Variants in ZNF250 observed in about 807,000 individuals in gnomAD.
ZNF250 encodes zinc finger protein (clone 647).
Under a neutral mutation model 37.1 loss-of-function variants are expected in ZNF250, and 13 were observed. That is an observed-to-expected ratio of 0.35 (90% CI 0.23 to 0.56). The LOEUF (loss-of-function observed/expected upper bound fraction) is 0.56, where lower values mean the gene tolerates loss of function less well. ZNF250 is among the 20% of genes least tolerant of loss of function. The probability of loss-of-function intolerance (pLI) is 0.87; values close to 1 mark genes in which losing one functional copy is unlikely to be tolerated. For missense variants in ZNF250, 474 were observed against 697.9 expected, an observed-to-expected ratio of 0.68 and a Z score of 3.61; for synonymous variants, 251 against 265.6, an observed-to-expected ratio of 0.94 and a Z score of 0.54.
In ZNF250 at chr8:144,897,479, A is replaced by G. The variant is rs554332191; in HGVS notation, c.-55+3920T>C. ...TGATCAGAAATATGTATCCAAATTG[A>G]TAGCTTTCTGGTCGGGCACAGTGGC... On this transcript the variant is annotated intron_variant, in intron 1 of 5. Coordinates refer to ENST00000417550, the MANE Select transcript of ZNF250 (RefSeq NM_001109689.4). The surrounding 1 kb of genome is among the most constrained non-coding windows in gnomAD (Gnocchi z 5.2). Among the ~76,000 whole-genome samples, 1 of 152,360 alleles carries G rather than the reference A, an allele frequency of 6.6e-6. No homozygotes were observed. Among genetic ancestry groups the G allele is most frequent in the African/African-American group, 2.4e-5 (1 of 41,586 alleles).
intron 4 of ZNF250, 64 bp downstream of exon 4, chr8:144,889,517 T>C: frequency 7.5e-7 from 1 of 1,337,280 alleles, no homozygotes; most frequent in Non-Finnish European, 1.1e-6. Context: ...ATGAACTAGG[T>C]CCACAGCTTT....
chr8:144,883,897 T>C (rs1377222479), intron 5 of ZNF250, among the ~76,000 whole-genome samples: 1 of 151,932 alleles, frequency 6.6e-6, no homozygotes, highest in Non-Finnish European at 1.5e-5. Flanking sequence ...ATTTTTTTTT[T>C]AGATGGAGTC....
At position 144,890,521 on chromosome 8, in the gene ZNF250, T is replaced by C. The variant is rs2129799243; in HGVS notation, c.-54-118A>G. 1 of 528,668 alleles carries C rather than the reference T, an allele frequency of 1.9e-6. No homozygotes were observed. Among genetic ancestry groups the C allele is most frequent in the South Asian group, 5.0e-5 (1 of 20,154 alleles). 32.7% of individuals were successfully genotyped at this position (528,668 alleles called of 1,614,324 possible). A position where few individuals can be genotyped will look rare whatever the true frequency, so the allele number is the denominator to read the frequency against. On this transcript the variant is annotated intron_variant, in intron 1 of 5. Transcript: ENST00000417550. This position sits in a 1 kb window ranked among gnomAD's most constrained non-coding sequence, Gnocchi z 5.1. Reference sequence around the variant, plus strand: ...CACTGAGGGGCACACTGAGGTCAGGTGCAAGGAGCTGCTACTGTTGCAGCC... The same window carrying C: ...CACTGAGGGGCACACTGAGGTCAGGCGCAAGGAGCTGCTACTGTTGCAGCC...
chr8:144,885,932 C>G (rs937585379), intron 5 of ZNF250, among the ~76,000 whole-genome samples: 1 of 147,788 alleles, frequency 6.8e-6, no homozygotes, highest in Non-Finnish European at 1.5e-5. Context: ...ATGGTGAAAC[C>G]CCGTCTCTAC....
intron 3 of ZNF250, 88 bp from the exon 4 acceptor site, chr8:144,889,782 G>T: frequency 6.8e-7 from 1 of 1,477,486 alleles, no homozygotes; most frequent in Non-Finnish European, 9.1e-7. Flanking sequence ...CATGAAAATG[G>T]ACAGGACTGA....
intron 1 of ZNF250, among the ~76,000 whole-genome samples, chr8:144,898,055 C>A (rs1440371394): frequency 6.6e-6 from 1 of 152,124 alleles, no homozygotes; most frequent in African/African-American, 2.4e-5. Flanking sequence ...CAGTTTATAG[C>A]CAGATTTTGG....
In ZNF250 at chr8:144,891,345, G is replaced by T. The variant is rs1002731118; in HGVS notation, c.-54-942C>A. 3.3e-5 allele frequency among the ~76,000 whole-genome samples: 5 copies of T among 152,066 alleles called. No homozygotes were observed. The highest frequency in any genetic ancestry group is 9.7e-5 in the African/African-American group (4 of 41,404). On this transcript the variant is annotated intron_variant, in intron 1 of 5. Coordinates refer to ENST00000417550, the MANE Select transcript of ZNF250 (RefSeq NM_001109689.4). The surrounding 1 kb of genome is among the most constrained non-coding windows in gnomAD (Gnocchi z 4.0). ...CTCAGATGGGCACCACAACAAACAGGGTGCTTTAAGAGTGACAAAATAGGT... is the reference window on the plus strand; with the variant it reads ...CTCAGATGGGCACCACAACAAACAGTGTGCTTTAAGAGTGACAAAATAGGT...
At position 144,897,975 on chromosome 8, in the gene ZNF250, C is replaced by T. The variant is rs539254056; in HGVS notation, c.-55+3424G>A. Among the ~76,000 whole-genome samples the T allele has an allele frequency of 4.9e-4, 75 of 152,248 alleles. No homozygotes were observed. Among genetic ancestry groups the T allele is most frequent in the African/African-American group, 1.7e-3 (72 of 41,530 alleles). On this transcript the variant is annotated intron_variant, in intron 1 of 5. Transcript: ENST00000417550. The surrounding 1 kb of genome is among the most constrained non-coding windows in gnomAD (Gnocchi z 5.2). ...TAAACCCACAACCACAACCTTCCAG[C>T]GTGGGCATTATGGCCATCATGAACA...
At position 144,881,693 on chromosome 8, in the gene ZNF250, G is replaced by A. The variant is rs762460870; in HGVS notation, c.1490C>T (p.Thr497Met). The A allele has an allele frequency of 6.8e-6, 11 of 1,614,042 alleles. No homozygotes were observed. The highest frequency in any genetic ancestry group is 3.3e-5 in the South Asian group (3 of 91,062). ...ATTGCACTCATATGGCTTCTCGCCC[G>A]TGTGGGTCCTCAGGTGCACAATCAG... ...ATLIVHLRTH[T>M]GEKPYECNSC... Residue 497 changes from threonine to methionine, a missense_variant, in exon 6 of 6, where the codon ACG (threonine) becomes ATG (methionine). By Grantham distance (81) the Thr-to-Met change is moderately conservative. Around this residue, in one of 2 missense-constraint regions of ZNF250, gnomAD observed 282 missense variants for 470.4 expected, o/e 0.60. Transcript: ENST00000417550.
At chr8:144,901,944 C>T (rs1335329184), upstream of ZNF250, 2 of 152,470 alleles carry the variant, frequency 1.3e-5, no homozygotes, top group Non-Finnish European at 2.9e-5. This position sits in a 1 kb window ranked among gnomAD's most constrained non-coding sequence, Gnocchi z 5.4. Flanking sequence ...TGGCTGGTCC[C>T]TGCGCCGCTG....
intron 1 of ZNF250, among the ~76,000 whole-genome samples, chr8:144,893,851 C>T (rs1318693427): frequency 1.3e-5 from 2 of 152,138 alleles, no homozygotes; most frequent in Non-Finnish European, 2.9e-5. Context: ...TTCGACTAGG[C>T]TAACTCCTCC....
chr8:144,899,013 G>A (rs754605455), intron 1 of ZNF250, among the ~76,000 whole-genome samples: 14 of 152,164 alleles, frequency 9.2e-5, no homozygotes, highest in Non-Finnish European at 1.2e-4. Context: ...TACAGAAAAT[G>A]TGGTATATGT....
rs771544173 is a variant in ZNF250, at chr8:144,882,005, C to T, written c.1178G>A (p.Ser393Asn). 6.2e-7 allele frequency: 1 copy of T among 1,613,816 alleles called. No individual in the cohort carries two copies. Among genetic ancestry groups the T allele is most frequent in the African/African-American group, 1.3e-5 (1 of 74,834 alleles). ...VHTGEKPYEC[S>N]ECGKTFSHRS... ...GTGGCTGAAGGTCTTCCCACACTCACTGCACTCATAGGGCTTCTCCCCGGT... is the reference window on the plus strand; with the variant it reads ...GTGGCTGAAGGTCTTCCCACACTCATTGCACTCATAGGGCTTCTCCCCGGT... Residue 393 changes from serine (S) to asparagine (N), a missense_variant, in exon 6 of 6, where the codon AGT (serine) becomes AAT (asparagine). Ser to Asn is a conservative substitution (Grantham distance 46). Around this residue, in one of 2 missense-constraint regions of ZNF250, gnomAD observed 282 missense variants for 470.4 expected, o/e 0.60. Transcript: ENST00000417550. The surrounding 1 kb of genome is among the most constrained non-coding windows in gnomAD (Gnocchi z 5.5).
chr8:144,890,262 C>A lies in ZNF250; in HGVS notation c.42+46G>T. On this transcript the variant is annotated intron_variant, in intron 2 of 5. Coordinates refer to ENST00000417550, the MANE Select transcript of ZNF250 (RefSeq NM_001109689.4). The surrounding 1 kb of genome is among the most constrained non-coding windows in gnomAD (Gnocchi z 5.1). Reference sequence around the variant, plus strand: ...GCTCTACGGGGCACGGAAGGAACCACAGGGCTCGGGCTGGGGGCACTGCAT... The same window carrying A: ...GCTCTACGGGGCACGGAAGGAACCAAAGGGCTCGGGCTGGGGGCACTGCAT... 6.5e-7 allele frequency: 1 copy of A among 1,549,160 alleles called. No homozygotes were observed. The highest frequency in any genetic ancestry group is 1.8e-5 in the Admixed American group (1 of 54,406).
At chr8:144,895,740 T>C (rs545444157) in intron 1 of ZNF250, among the ~76,000 whole-genome samples, 22 of 152,014 alleles carry the variant, frequency 1.4e-4, no homozygotes, top group Middle Eastern at 3.4e-3. Context: ...CCAGGCGCAG[T>C]GGCTCATACC....
chr8:144,888,600 A>G (rs1214790614), intron 4 of ZNF250, among the ~76,000 whole-genome samples: 1 of 151,334 alleles, frequency 6.6e-6, no homozygotes. Flanking sequence ...TGTCTCAAAA[A>G]AAAAAAAAAA....
At chr8:144,895,140 T>C (rs544585031) in intron 1 of ZNF250, 2 of 152,302 alleles carry the variant, frequency 1.3e-5, no homozygotes, top group South Asian at 4.1e-4. Flanking sequence ...GGATAGTGGG[T>C]ACCTGATAAG....
At position 144,882,326 on chromosome 8, in the gene ZNF250, G is replaced by A; in HGVS notation, c.857C>T (p.Ala286Val). Residue 286 changes from alanine to valine, a missense_variant, in exon 6 of 6, where the codon GCC becomes GTC. By Grantham distance (64) the Ala-to-Val change is moderately conservative. This residue lies in a region of ZNF250 where 282 missense variants were observed against 470.4 expected (regional missense o/e 0.60). Transcript: ENST00000417550. The surrounding 1 kb of genome is among the most constrained non-coding windows in gnomAD (Gnocchi z 5.5). ...AATGAGATGTGAGAGTTGAGTGAAGGCTTTCCGACACTCAAGACATTCGTG... is the reference window on the plus strand; with the variant it reads ...AATGAGATGTGAGAGTTGAGTGAAGACTTTCCGACACTCAAGACATTCGTG... ...KPHECLECRK[A>V]FTQLSHLIQH... 1 of 1,613,846 alleles carries A rather than the reference G, an allele frequency of 6.2e-7. No homozygotes were observed.
At chr8:144,884,408 T>C (rs1831724279) in intron 5 of ZNF250, among the ~76,000 whole-genome samples, 1 of 152,180 alleles carries the variant, frequency 6.6e-6, no homozygotes, top group Non-Finnish European at 1.5e-5. Flanking sequence ...CATGCCACCA[T>C]GGCTGGCTAA....
Sources: gnomAD v4.1 joint callset for allele counts (sites outside exome capture counted in the v4.1 genomes callset) on GRCh38, gnomAD v4.1.1 for gene constraint, gnomAD v4.1.1 regional missense constraint, Gnocchi (gnomAD v3.1) non-coding constraint, MANE v1.5 for transcripts, NCBI Gene and HGNC (gene_info 2026-07-23, HGNC 2026-07-21) for gene names.